The following PITHD1 variants were observed in gnomAD, a reference collection of about 807,000 sequenced individuals.
The protein encoded by PITHD1 is PITH domain containing 1.
A neutral mutation model predicts 27.5 loss-of-function variants in PITHD1; 8 were observed. The ratio of observed to expected loss-of-function variants is 0.29; its 90% confidence interval spans 0.17 to 0.52. PITHD1 has a LOEUF of 0.52. Among genes scored for constraint, PITHD1 ranks in the 20% least tolerant of loss-of-function variants. The pLI, the probability that PITHD1 is intolerant of heterozygous loss-of-function variation, is 0.96. For synonymous variants in PITHD1, 118 were observed against 106.8 expected (o/e 1.10, Z -0.64); for missense variants, 233 against 283.9 (o/e 0.82, Z 1.29).
In PITHD1 at chr1:23,786,433, G is replaced by C; in HGVS notation, c.534+10G>C. ...AGGAGAGTGGACTGAGGTAAGATGG[G>C]GTTGGAAAGGTTTTCCCCTCATGTC... On this transcript the variant is annotated intron_variant, in intron 5 of 5. Coordinates refer to ENST00000246151, the MANE Select transcript of PITHD1 (RefSeq NM_020362.5). 7.2e-7 allele frequency: 1 copy of C among 1,382,668 alleles called. No individual in the cohort carries two copies. The highest frequency in any genetic ancestry group is 1.0e-6 in the Non-Finnish European group (1 of 976,554). 85.6% of individuals were successfully genotyped at this position (1,382,668 alleles called of 1,614,324 possible).
rs772727731 is a variant in PITHD1, at chr1:23,779,480, C to G, written c.241C>G (p.Pro81Ala). 6.2e-7 allele frequency: 1 copy of G among 1,610,218 alleles called. No homozygotes were observed. The highest frequency in any genetic ancestry group is 1.7e-5 in the Admixed American group (1 of 59,996). The change falls in exon 2 of 6, where the codon CCA becomes GCA. Residue 81 changes from proline to alanine, a missense_variant and splice_region_variant. Coordinates refer to ENST00000246151, the MANE Select transcript of PITHD1 (RefSeq NM_020362.5). Reference protein sequence around the residue: ...DADEELLFNIPFTGNVKLKGI... With the variant: ...DADEELLFNIAFTGNVKLKGI... ...AGATGAAGAGCTTCTGTTTAATATT[C>G]CGTAAGTATCTCCTTGGTGCCTACC...
chr1:23,786,286 C>G (rs367950719), intron 4 of PITHD1, 29 bp from the exon 5 acceptor site: 14 of 1,013,942 alleles, frequency 1.4e-5, no homozygotes, highest in Non-Finnish European at 2.0e-5. Flanking sequence ...TAATTCATAC[C>G]TTCTTTCCCT....
At chr1:23,786,992 T>C (rs1159034121) in intron 5 of PITHD1, among the ~76,000 whole-genome samples, 3 of 152,210 alleles carry the variant, frequency 2.0e-5, no homozygotes, top group Non-Finnish European at 4.4e-5. Flanking sequence ...GATAAGATAA[T>C]ACCATAGACA....
chr1:23,779,587 G>T, intron 2 of PITHD1, 106 bp downstream of exon 2: 1 of 922,100 alleles, frequency 1.1e-6, no homozygotes, highest in South Asian at 1.4e-5. Context: ...TCTAGAAATG[G>T]GATAAATTAC....
intron 3 of PITHD1, among the ~76,000 whole-genome samples, chr1:23,781,884 G>GTT (rs1638605498): frequency 6.6e-6 from 1 of 152,122 alleles, no homozygotes; most frequent in Non-Finnish European, 1.5e-5. Context: ...CTGGAACACA[G>GTT]TAAGTGTCCA....
intron 3 of PITHD1, among the ~76,000 whole-genome samples, chr1:23,783,285 G>GTA (rs570952581): frequency 2.9e-4 from 42 of 144,540 alleles, no homozygotes; most frequent in Middle Eastern, 3.8e-3. Context: ...GCACATGTGT[G>GTA]TATATATATA....
Position 23,779,847 on chromosome 1 carries a change from C to T in PITHD1, c.243-17C>T. The T allele has an allele frequency of 1.2e-6, 2 of 1,606,816 alleles. No homozygotes were observed. The highest frequency in any genetic ancestry group is 1.7e-6 in the Non-Finnish European group (2 of 1,173,348). ...TCAAACTCAGGTTTGACAACCTTCT[C>T]TTTTGCATTCTGGCAGATTTACGGG... On this transcript the variant is annotated splice_polypyrimidine_tract_variant and intron_variant, in intron 2 of 5. Transcript: ENST00000246151.
intron 4 of PITHD1, 22 bp downstream of exon 4, chr1:23,785,801 C>A: frequency 7.6e-7 from 1 of 1,315,358 alleles, no homozygotes; most frequent in Non-Finnish European, 1.1e-6. Context: ...GCCTGTCTTC[C>A]ATTCTCTATG....
intron 3 of PITHD1, among the ~76,000 whole-genome samples, chr1:23,782,959 A>G (rs902575785): frequency 6.6e-6 from 1 of 151,952 alleles, no homozygotes; most frequent in African/African-American, 2.4e-5. Context: ...TGATATTGTC[A>G]ATTATTGTAA....
intron 3 of PITHD1, among the ~76,000 whole-genome samples, chr1:23,780,652 C>A (rs1229760967): frequency 1.3e-5 from 2 of 151,992 alleles, no homozygotes; most frequent in East Asian, 1.9e-4. Flanking sequence ...GAGGCTGAGG[C>A]GGGCGGATCA....
chr1:23,784,363 C>T (rs1454626147), intron 3 of PITHD1, among the ~76,000 whole-genome samples: 1 of 150,660 alleles, frequency 6.6e-6, no homozygotes, highest in Non-Finnish European at 1.5e-5. Context: ...GCCTCAGCCT[C>T]CCAAGTAGCT....
In PITHD1 at chr1:23,785,754, A is replaced by G. The variant is rs1638673142; in HGVS notation, c.400A>G (p.Thr134Ala). The G allele has an allele frequency of 6.2e-7, 1 of 1,604,058 alleles. No homozygotes were observed. The highest frequency in any genetic ancestry group is 8.5e-7 in the Non-Finnish European group (1 of 1,170,896). ...GACCTTTAGTCTGAACCGGGATCTT[A>G]CAGGAGAATTAGAGTATGCTACAAA... Reference protein sequence around the residue: ...DQTFSLNRDLTGELEYATKIS... With the variant: ...DQTFSLNRDLAGELEYATKIS... The change falls in exon 4 of 6, where the codon ACA (threonine) becomes GCA (alanine). Residue 134 changes from threonine (T) to alanine (A), a missense_variant. Physicochemically the swap from Thr to Ala is moderately conservative, Grantham distance 58 (BLOSUM62 0). Transcript: ENST00000246151.
At position 23,787,402 on chromosome 1, in the gene PITHD1, C is replaced by T. The variant is rs776987263; in HGVS notation, c.*26C>T. 1.8e-5 allele frequency: 23 copies of T among 1,295,288 alleles called. No homozygotes were observed. The highest frequency in any genetic ancestry group is 1.2e-4 in the African/African-American group (8 of 68,446). 80.2% of individuals were successfully genotyped at this position (1,295,288 alleles called of 1,614,324 possible). On this transcript the variant is annotated 3_prime_UTR_variant, in exon 6 of 6. Transcript: ENST00000246151. ...GGGCTGGCCAAGGCTCCCATAGAGG[C>T]GCTGTGTCAGTGAAGATGTACGACT...
At position 23,778,675 on chromosome 1, in the gene PITHD1, G is replaced by A. The variant is rs1638548031; in HGVS notation, c.160G>A (p.Val54Ile). Reference sequence around the variant, plus strand: ...GAGCCGCGAGGGCAGCGGCCGCGGCGTCTTCAAGCCGTGGGAGGAGCGGAC... The same window carrying A: ...GAGCCGCGAGGGCAGCGGCCGCGGCATCTTCAAGCCGTGGGAGGAGCGGAC... ...NESREGSGRG[V>I]FKPWEERTDR... The change falls in exon 1 of 6, where the codon GTC (valine) becomes ATC (isoleucine). Residue 54 changes from valine to isoleucine, a missense_variant. Transcript: ENST00000246151. The A allele has an allele frequency of 7.6e-7, 1 of 1,317,636 alleles. No homozygotes were observed. Among genetic ancestry groups the A allele is most frequent in the South Asian group, 2.2e-5 (1 of 45,006 alleles). 81.6% of individuals were successfully genotyped at this position (1,317,636 alleles called of 1,614,324 possible).
intron 2 of PITHD1, 104 bp from the exon 3 acceptor site, chr1:23,779,760 G>A (rs757820640): frequency 4.9e-6 from 4 of 818,740 alleles, no homozygotes; most frequent in Non-Finnish European, 8.6e-6. Flanking sequence ...GTTGACAGAT[G>A]AGTAAACTGA....
In PITHD1 at chr1:23,787,442, A is replaced by C; in HGVS notation, c.*66A>C. 2 of 917,600 alleles carry C rather than the reference A, an allele frequency of 2.2e-6. No individual in the cohort carries two copies. Among genetic ancestry groups the C allele is most frequent in the Admixed American group, 1.9e-5 (1 of 54,008 alleles). 56.8% of individuals were successfully genotyped at this position (917,600 alleles called of 1,614,324 possible). On this transcript the variant is annotated 3_prime_UTR_variant, in exon 6 of 6. Transcript: ENST00000246151. ...GATGTACGACTACCTGTTGGGAAGG[A>C]CAAAGGGATGAGGCTCCAGAGAGAG...
At chr1:23,783,330 C>T (rs1200982194) in intron 3 of PITHD1, among the ~76,000 whole-genome samples, 2 of 147,498 alleles carry the variant, frequency 1.4e-5, no homozygotes, top group Non-Finnish European at 3.0e-5. Context: ...TATATATACA[C>T]ATATATGTGT....
At chr1:23,784,234 C>CTTTTTTTTTTTTTTTTT (rs774484769) in intron 3 of PITHD1, among the ~76,000 whole-genome samples, 1 of 81,438 alleles carries the variant, frequency 1.2e-5, no homozygotes, top group African/African-American at 4.8e-5. Context: ...CATTTGCTTT[C>CTTTTTTTTTTTTTTTTT]TTTTTTTTTT....
In PITHD1 at chr1:23,787,323, C is replaced by T; in HGVS notation, c.583C>T (p.Pro195Ser). Residue 195 changes from proline (P) to serine (S), a missense_variant, in exon 6 of 6, where the codon CCA (proline) becomes TCA (serine). Coordinates refer to ENST00000246151, the MANE Select transcript of PITHD1 (RefSeq NM_020362.5). ...CTGCAATTACGAAGCATCTGCCAAC[C>T]CAGCAGACCATAGGGTCCATCAGGT... ...TICNYEASAN[P>S]ADHRVHQVTP... 5.0e-6 allele frequency: 8 copies of T among 1,613,640 alleles called. No individual in the cohort carries two copies. The highest frequency in any genetic ancestry group is 6.8e-6 in the Non-Finnish European group (8 of 1,179,592).
Sources: gnomAD v4.1 joint callset for allele counts (sites outside exome capture counted in the v4.1 genomes callset) on GRCh38, gnomAD v4.1.1 for gene constraint, MANE v1.5 for transcripts, NCBI Gene and HGNC (gene_info 2026-07-23, HGNC 2026-07-21) for gene names.